VPS13C: variants seen among roughly 807,000 people sequenced by gnomAD.
The protein encoded by VPS13C is vacuolar protein sorting 13 homolog C.
A neutral mutation model predicts 456.8 loss-of-function variants in VPS13C; 358 were observed. The observed-to-expected ratio is 0.78, with a 90% CI of 0.72 to 0.86. The LOEUF is 0.86. Among genes scored for constraint, VPS13C ranks in the 40% least tolerant of loss-of-function variants. The pLI, the probability that VPS13C is intolerant of heterozygous loss-of-function variation, is 0.00. For synonymous variants in VPS13C, 1,578 were observed against 1,486.7 expected (o/e 1.06, Z -1.41); for missense variants, 4,818 against 4,385.4 (o/e 1.10, Z -2.79).
intron 74 of VPS13C, among the ~76,000 whole-genome samples, chr15:61,877,405 G>C (rs1037949424): frequency 1.0e-4 from 9 of 89,340 alleles, no homozygotes; most frequent in African/African-American, 2.6e-4. Flanking sequence ...ACTCAACACT[G>C]TGGAAAAGTA....
chr15:62,039,229 T>C (rs1277025300), intron 3 of VPS13C, among the ~76,000 whole-genome samples: 5 of 152,150 alleles, frequency 3.3e-5, no homozygotes, highest in Admixed American at 1.3e-4. Flanking sequence ...GTGATACATA[T>C]ATACCATGCA....
intron 16 of VPS13C, among the ~76,000 whole-genome samples, chr15:61,998,090 C>A (rs2046454941): frequency 6.6e-6 from 1 of 152,154 alleles, no homozygotes; most frequent in Non-Finnish European, 1.5e-5. Flanking sequence ...TCTCAGGACT[C>A]CAGTTAGTTT....
At chr15:61,920,808 T>C (rs2043629908) in intron 55 of VPS13C, among the ~76,000 whole-genome samples, 161 bp from the exon 56 acceptor site, 1 of 152,164 alleles carries the variant, frequency 6.6e-6, no homozygotes, top group Non-Finnish European at 1.5e-5. Context: ...TTCATGGAGT[T>C]CAGCATTCAT....
At chr15:61,938,493 G>C (rs74580353) in intron 47 of VPS13C, among the ~76,000 whole-genome samples, 47 of 152,230 alleles carry the variant, frequency 3.1e-4, no homozygotes, top group South Asian at 1.2e-3. Flanking sequence ...ATGACCAAAG[G>C]GGGGTGTTTA....
chr15:62,015,490 G>A (rs902136241), intron 9 of VPS13C, among the ~76,000 whole-genome samples: 5 of 150,886 alleles, frequency 3.3e-5, no homozygotes, highest in African/African-American at 4.9e-5. Flanking sequence ...GGTTTATTGC[G>A]GCACTATTCA....
At chr15:61,892,647 G>A (rs1411631074) in intron 66 of VPS13C, among the ~76,000 whole-genome samples, 3 of 152,132 alleles carry the variant, frequency 2.0e-5, no homozygotes, top group Non-Finnish European at 4.4e-5. Flanking sequence ...AACAGACAAA[G>A]CAAAGTGCCA....
intron 12 of VPS13C, among the ~76,000 whole-genome samples, chr15:62,011,494 C>T (rs2047035211): frequency 6.6e-6 from 1 of 151,712 alleles, no homozygotes; most frequent in Non-Finnish European, 1.5e-5. Context: ...CAACAGTGAA[C>T]CAGAGTAATA....
At chr15:61,939,393 C>T (rs2044339372) in intron 47 of VPS13C, among the ~76,000 whole-genome samples, 1 of 152,076 alleles carries the variant, frequency 6.6e-6, no homozygotes, top group Non-Finnish European at 1.5e-5. Context: ...AACAGAAACC[C>T]TTCATTTCTA....
intron 9 of VPS13C, among the ~76,000 whole-genome samples, chr15:62,018,963 G>C (rs1392603276): frequency 6.6e-6 from 1 of 152,080 alleles, no homozygotes; most frequent in East Asian, 1.9e-4. Context: ...CTCAATTTCA[G>C]AGCCTGTTAT....
At chr15:62,047,613 T>C (rs779042971) in intron 1 of VPS13C, among the ~76,000 whole-genome samples, 4 of 152,102 alleles carry the variant, frequency 2.6e-5, no homozygotes, top group Non-Finnish European at 4.4e-5. Context: ...ATACAAAGAA[T>C]AGGGGAGGAA....
chr15:62,054,363 G>C (rs980479107), intron 1 of VPS13C, among the ~76,000 whole-genome samples: 1 of 152,076 alleles, frequency 6.6e-6, no homozygotes, highest in African/African-American at 2.4e-5. Flanking sequence ...AAATTCAAAG[G>C]CAAATAGAGG....
At chr15:62,059,322 G>T (rs1202741081) in intron 1 of VPS13C, among the ~76,000 whole-genome samples, 1 of 152,136 alleles carries the variant, frequency 6.6e-6, no homozygotes, top group Non-Finnish European at 1.5e-5. Context: ...GCTATTTGTT[G>T]TTGCTTGAAT....
intron 18 of VPS13C, among the ~76,000 whole-genome samples, chr15:61,988,990 A>G (rs2046142455): frequency 6.6e-6 from 1 of 152,190 alleles, no homozygotes; most frequent in Non-Finnish European, 1.5e-5. Context: ...CAATGAGGAA[A>G]GACTTTTAAA....
intron 38 of VPS13C, among the ~76,000 whole-genome samples, chr15:61,952,231 C>T (rs1029520834): frequency 1.3e-5 from 2 of 152,118 alleles, no homozygotes; most frequent in Non-Finnish European, 2.9e-5. Flanking sequence ...CTTTCATCTT[C>T]GGCACCATTA....
At chr15:61,955,295 A>T (rs1328431732) in intron 37 of VPS13C, among the ~76,000 whole-genome samples, 2 of 152,132 alleles carry the variant, frequency 1.3e-5, no homozygotes, top group Non-Finnish European at 2.9e-5. Context: ...TATTTCAGAG[A>T]TGGGCAAATT....
chr15:62,059,548 A>C (rs961301630), intron 1 of VPS13C, among the ~76,000 whole-genome samples: 2 of 152,230 alleles, frequency 1.3e-5, no homozygotes, highest in African/African-American at 4.8e-5. Flanking sequence ...CGTTGGCATA[A>C]ATTCCTGAGC....
chr15:61,876,063 C>T (rs1215051701), intron 75 of VPS13C, among the ~76,000 whole-genome samples: 2 of 152,012 alleles, frequency 1.3e-5, no homozygotes, highest in African/African-American at 4.8e-5. Context: ...AGGTTTGACG[C>T]ACAGGCTGCC....
chr15:62,022,415 CAT>C (rs2047496012), intron 8 of VPS13C, among the ~76,000 whole-genome samples: 1 of 151,854 alleles, frequency 6.6e-6, no homozygotes, highest in Non-Finnish European at 1.5e-5. Context: ...CTTTTCTCGA[CAT>C]AGGATTTTAA....
At chr15:62,058,609 A>T (rs1466616398) in intron 1 of VPS13C, among the ~76,000 whole-genome samples, 1 of 152,200 alleles carries the variant, frequency 6.6e-6, no homozygotes, top group Non-Finnish European at 1.5e-5. Context: ...GGTACATACA[A>T]ATACTAGGCC....
Sources: gnomAD v4.1 joint callset for allele counts (sites outside exome capture counted in the v4.1 genomes callset) on GRCh38, gnomAD v4.1.1 for gene constraint, MANE v1.5 for transcripts, NCBI Gene and HGNC (gene_info 2026-07-23, HGNC 2026-07-21) for gene names.